The following SPTLC2 variants were observed in gnomAD, a reference collection of about 807,000 sequenced individuals.
SPTLC2 encodes the protein serine palmitoyltransferase 2.
Under a neutral mutation model 62.0 loss-of-function variants are expected in SPTLC2, and 21 were observed. The ratio of observed to expected loss-of-function variants is 0.34; its 90% CI spans 0.24 to 0.49. The LOEUF is 0.49. SPTLC2 is among the 20% of genes least tolerant of loss of function. The pLI, the probability that SPTLC2 is intolerant of heterozygous loss-of-function variation, is 0.99. For synonymous variants in SPTLC2, 261 were observed against 261.8 expected (o/e 1.00, Z 0.03); for missense variants, 511 against 713.0 (o/e 0.72, Z 3.23).
chr14:77,586,907 A>C (rs2079784622), intron 2 of SPTLC2, among the ~76,000 whole-genome samples: 1 of 152,184 alleles, frequency 6.6e-6, no homozygotes, highest in African/African-American at 2.4e-5. Context: ...AATTCTGGCA[A>C]TACTGAGTGT....
rs777105588 is a variant in SPTLC2 at position 77,555,539 on chromosome 14, T to A, written c.957-20A>T. On this transcript the variant is annotated intron_variant, in intron 7 of 11. Coordinates refer to ENST00000216484, the MANE Select transcript of SPTLC2 (RefSeq NM_004863.4). The stretch of plus-strand genomic sequence containing the variant: ...TCCATGCTGGCAAAACATGAAAAAA[T>A]ATATATATACACATATACACTGAGA... The A allele has an allele frequency of 1.8e-4, 297 of 1,607,568 alleles. No homozygotes were observed. The East Asian group carries it at 2.0e-3, about 11-fold the overall frequency.
intron 1 of SPTLC2, among the ~76,000 whole-genome samples, chr14:77,598,952 T>C (rs2079863046): frequency 6.6e-6 from 1 of 151,074 alleles, no homozygotes; most frequent in Non-Finnish European, 1.5e-5. Context: ...CCCAGCATTA[T>C]ATAAAAGTAA....
In SPTLC2 at chr14:77,511,242, T is replaced by C. The variant is rs1417171260; in HGVS notation, c.*1042A>G. 6.6e-6 allele frequency: 1 copy of C among 152,224 alleles called. No individual in the cohort carries two copies. Among genetic ancestry groups the C allele is most frequent in the Non-Finnish European group, 1.5e-5 (1 of 68,028 alleles). 9.4% of individuals were successfully genotyped at this position (152,224 alleles called of 1,614,324 possible). A position where few individuals can be genotyped will look rare whatever the true frequency, so the allele number is the denominator to read the frequency against. ...AATCCTTAAATAGGAACATGATAAA[T>C]GCTTTCTGAGCAGAGGATTTACCAA... On this transcript the variant is annotated 3_prime_UTR_variant, in exon 12 of 12. Transcript: ENST00000216484.
intron 1 of SPTLC2, among the ~76,000 whole-genome samples, chr14:77,611,447 C>A (rs2079936672): frequency 8.3e-6 from 1 of 120,860 alleles, no homozygotes. Context: ...TGGAGCGAGA[C>A]CCTATCTCGC....
chr14:77,557,217 A>G (rs1230951620), intron 6 of SPTLC2, 71 bp from the exon 7 acceptor site: 1 of 1,333,026 alleles, frequency 7.5e-7, no homozygotes, highest in African/African-American at 1.4e-5. Context: ...AAATGCAGAG[A>G]TATATTTCTC....
At chr14:77,606,866 G>C (rs1371454236) in intron 1 of SPTLC2, among the ~76,000 whole-genome samples, 1 of 151,880 alleles carries the variant, frequency 6.6e-6, no homozygotes, top group Non-Finnish European at 1.5e-5. Context: ...GTGCATGAAT[G>C]TAGTCCCAGC....
At chr14:77,525,995 C>T (rs2079407449) in intron 9 of SPTLC2, among the ~76,000 whole-genome samples, 1 of 152,148 alleles carries the variant, frequency 6.6e-6, no homozygotes, top group Non-Finnish European at 1.5e-5. Flanking sequence ...CAACATGCTA[C>T]CATTTTTGAC....
chr14:77,616,352 A>G, intron 1 of SPTLC2, 96 bp downstream of exon 1: 1 of 739,656 alleles, frequency 1.4e-6, no homozygotes, highest in Non-Finnish European at 1.8e-6. Context: ...CGCCCCGCGG[A>G]TTGCCCAGCG....
At chr14:77,529,198 T>C (rs955786538) in intron 9 of SPTLC2, among the ~76,000 whole-genome samples, 1 of 151,910 alleles carries the variant, frequency 6.6e-6, no homozygotes, top group South Asian at 2.1e-4. Flanking sequence ...GATTATACTA[T>C]AGAGAGAGAA....
intron 9 of SPTLC2, among the ~76,000 whole-genome samples, chr14:77,536,532 A>C (rs189802029): frequency 1.4e-3 from 219 of 152,294 alleles, no homozygotes; most frequent in African/African-American, 4.8e-3. Context: ...TATGACAATA[A>C]ATGTTAGAAT....
intron 9 of SPTLC2, chr14:77,535,996 A>T (rs769037203): frequency 4.4e-6 from 2 of 454,206 alleles, no homozygotes; most frequent in Non-Finnish European, 8.8e-6. Flanking sequence ...ATGAATAGTG[A>T]TGCCATTACC....
At chr14:77,533,161 G>C (rs28654332) in intron 9 of SPTLC2, among the ~76,000 whole-genome samples, 1 of 151,930 alleles carries the variant, frequency 6.6e-6, no homozygotes, top group Non-Finnish European at 1.5e-5. Context: ...TTAGCTGGGC[G>C]TGGTGGTGCA....
chr14:77,526,607 T>TA (rs1162067172), intron 9 of SPTLC2, among the ~76,000 whole-genome samples: 1 of 152,108 alleles, frequency 6.6e-6, no homozygotes, highest in East Asian at 1.9e-4. Context: ...AACTCTACTG[T>TA]AAAAAAATCT....
chr14:77,562,473 C>G lies in SPTLC2; in HGVS notation c.773G>C (p.Ser258Thr). 1 of 1,614,122 alleles carries G rather than the reference C, an allele frequency of 6.2e-7. No homozygotes were observed. The highest frequency in any genetic ancestry group is 8.5e-7 in the Non-Finnish European group (1 of 1,180,004). Residue 258 changes from serine to threonine, a missense_variant, in exon 6 of 12, where the codon AGT becomes ACT. By Grantham distance (58) the Ser-to-Thr change is moderately conservative (BLOSUM62 1). Transcript: ENST00000216484. ...CAGTGATGCATGATTCAGTTCATCACTCAGAATCAGGCAACCCTGCAACAT... is the reference window on the plus strand; with the variant it reads ...CAGTGATGCATGATTCAGTTCATCAGTCAGAATCAGGCAACCCTGCAACAT... Reference protein sequence around the residue: ...ALVGKGCLILSDELNHASLVL... With the variant: ...ALVGKGCLILTDELNHASLVL...
chr14:77,616,211 AACCCAGAGCTCCGGGAGTAAG>A (rs542490623), intron 1 of SPTLC2, among the ~76,000 whole-genome samples: 90 of 152,236 alleles, frequency 5.9e-4, no homozygotes, highest in African/African-American at 2.1e-3. Context: ...CTCTGAGCAG[AACCCAGAGCTCCGGGAGTAAG>A]ACCTCCAGGC....
chr14:77,613,493 T>C (rs1014526294), intron 1 of SPTLC2, among the ~76,000 whole-genome samples: 4 of 152,224 alleles, frequency 2.6e-5, no homozygotes, highest in Admixed American at 2.6e-4. Flanking sequence ...CAATGTGTGA[T>C]TGTTTCATAA....
At position 77,584,597 on chromosome 14, in the gene SPTLC2, C is replaced by T. The variant is rs560897972; in HGVS notation, c.328-5488G>A. On this transcript the variant is annotated intron_variant, in intron 2 of 11. Transcript: ENST00000216484. ...AGAGGCAGAGCCAGGAACTGATGAT[C>T]CAGGCCTTCTAACTTTACTCTGTGC... Among the ~76,000 whole-genome samples the T allele has an allele frequency of 5.9e-5, 9 of 152,286 alleles. No homozygotes were observed. In the South Asian group the frequency reaches 1.7e-3, roughly 28 times the overall value.
At chr14:77,529,972 C>G (rs1171583568) in intron 9 of SPTLC2, among the ~76,000 whole-genome samples, 1 of 152,074 alleles carries the variant, frequency 6.6e-6, no homozygotes, top group Non-Finnish European at 1.5e-5. Flanking sequence ...TGCCTTATCT[C>G]CTGATAAGAC....
chr14:77,546,936 G>T (rs2079531407), intron 9 of SPTLC2, among the ~76,000 whole-genome samples: 1 of 152,042 alleles, frequency 6.6e-6, no homozygotes, highest in Non-Finnish European at 1.5e-5. Context: ...CTCCATGTTG[G>T]TCAGGCTAGT....
Sources: gnomAD v4.1 joint callset for allele counts (sites outside exome capture counted in the v4.1 genomes callset) on GRCh38, gnomAD v4.1.1 for gene constraint, MANE v1.5 for transcripts, NCBI Gene and HGNC (gene_info 2026-07-23, HGNC 2026-07-21) for gene names.